Variants in TTC28 observed in about 807,000 individuals in gnomAD.
TTC28 encodes tetratricopeptide repeat protein 28.
TTC28 carries 61 observed loss-of-function variants against 198.0 expected under a neutral mutation model. That is an observed-to-expected ratio of 0.31 (90% CI 0.25 to 0.38). The LOEUF is 0.38. Among genes scored for constraint, TTC28 ranks in the 10% least tolerant of loss-of-function variants. TTC28 has a pLI of 1.00. For synonymous variants in TTC28, 1,171 were observed against 1,297.8 expected, an observed-to-expected ratio of 0.90 and a Z score of 2.10; for missense variants, 2,678 against 3,164.0, an observed-to-expected ratio of 0.85 and a Z score of 3.69.
intron 2 of TTC28, among the ~76,000 whole-genome samples, chr22:28,388,294 G>C (rs891758249): frequency 6.6e-6 from 1 of 152,192 alleles, no homozygotes; most frequent in Admixed American, 6.5e-5. Flanking sequence ...CTCCAGCTTT[G>C]TTCTTTTGGC....
chr22:28,564,181 G>A (rs959368954), intron 2 of TTC28, among the ~76,000 whole-genome samples: 7 of 152,090 alleles, frequency 4.6e-5, no homozygotes, highest in Admixed American at 3.3e-4. Flanking sequence ...CTTTTGGGGC[G>A]ATGAAAATGT....
chr22:28,373,459 T>C (rs1291347376), intron 2 of TTC28, among the ~76,000 whole-genome samples: 1 of 152,132 alleles, frequency 6.6e-6, no homozygotes, highest in Non-Finnish European at 1.5e-5. Flanking sequence ...AATTCATCTA[T>C]TGGAGAAGAG....
At chr22:28,564,582 C>T (rs1034278251) in intron 2 of TTC28, among the ~76,000 whole-genome samples, 1 of 151,710 alleles carries the variant, frequency 6.6e-6, no homozygotes, top group Admixed American at 6.6e-5. Context: ...AGCAGTATTC[C>T]GTGGTTTTCC....
At chr22:28,145,443 C>A (rs886685959) in intron 6 of TTC28, among the ~76,000 whole-genome samples, 2 of 152,106 alleles carry the variant, frequency 1.3e-5, no homozygotes, top group Admixed American at 6.5e-5. Flanking sequence ...TTGGTACCTA[C>A]AATTGATTGC....
intron 2 of TTC28, among the ~76,000 whole-genome samples, chr22:28,340,234 G>T (rs1435559806): frequency 6.6e-6 from 1 of 152,030 alleles, no homozygotes. Flanking sequence ...AAAGTGAGGG[G>T]TTGGAGTAAG....
chr22:28,331,116 C>T (rs1569264507), intron 2 of TTC28, among the ~76,000 whole-genome samples: 1 of 152,102 alleles, frequency 6.6e-6, no homozygotes. Context: ...ACCACCTTCA[C>T]ACGAGTAATC....
intron 6 of TTC28, among the ~76,000 whole-genome samples, chr22:28,161,863 G>A (rs1403533075): frequency 1.9e-5 from 2 of 107,932 alleles, no homozygotes; most frequent in Non-Finnish European, 3.5e-5. Context: ...AAGGAAGAAA[G>A]AGGAAGGAAG....
chr22:28,406,959 A>G (rs756851752), intron 2 of TTC28, among the ~76,000 whole-genome samples: 3 of 152,192 alleles, frequency 2.0e-5, no homozygotes, highest in Non-Finnish European at 4.4e-5. Flanking sequence ...GGAGGCACAC[A>G]CCCTAGAAAT....
chr22:28,518,328 T>C (rs1265728423), intron 2 of TTC28, among the ~76,000 whole-genome samples: 1 of 152,120 alleles, frequency 6.6e-6, no homozygotes, highest in Non-Finnish European at 1.5e-5. Context: ...AAAATGAGTA[T>C]ACAAAGGCCA....
At chr22:28,025,118 T>C (rs1235279323) in intron 13 of TTC28, among the ~76,000 whole-genome samples, 1 of 152,034 alleles carries the variant, frequency 6.6e-6, no homozygotes, top group Non-Finnish European at 1.5e-5. Context: ...GTGTTTCCAG[T>C]GGCCCTGAGA....
chr22:28,040,366 G>A (rs1939572386), intron 12 of TTC28, among the ~76,000 whole-genome samples: 2 of 152,162 alleles, frequency 1.3e-5, no homozygotes, highest in Admixed American at 6.5e-5. Flanking sequence ...GAATCCAGCA[G>A]CACATAAAAA....
intron 2 of TTC28, among the ~76,000 whole-genome samples, chr22:28,388,626 T>C (rs1190058311): frequency 1.3e-5 from 2 of 152,230 alleles, no homozygotes; most frequent in Admixed American, 6.5e-5. Context: ...GGGAGTTCAC[T>C]CATGATTTGG....
intron 16 of TTC28, chr22:27,997,268 T>C (rs1601497362): frequency 6.6e-6 from 1 of 152,252 alleles, no homozygotes; most frequent in Non-Finnish European, 1.5e-5. Context: ...CAGGGCAGGG[T>C]ATATGCCTGT....
At chr22:28,060,904 C>T (rs189543987) in intron 12 of TTC28, among the ~76,000 whole-genome samples, 54 of 152,180 alleles carry the variant, frequency 3.5e-4, no homozygotes, top group East Asian at 1.4e-3. Flanking sequence ...TTTTTAATGA[C>T]TGCCATTCTA....
At chr22:27,993,721 C>G (rs552642510) in intron 17 of TTC28, among the ~76,000 whole-genome samples, 1 of 152,276 alleles carries the variant, frequency 6.6e-6, no homozygotes, top group Non-Finnish European at 1.5e-5. Flanking sequence ...AAGGATTTTA[C>G]CATCAGAGCC....
intron 12 of TTC28, among the ~76,000 whole-genome samples, chr22:28,033,264 T>C (rs374108473): frequency 1.3e-5 from 2 of 152,304 alleles, no homozygotes; most frequent in Admixed American, 1.3e-4. Flanking sequence ...AAGCAGGCGA[T>C]GTCACAGATA....
At chr22:28,367,719 A>G (rs749540692) in intron 2 of TTC28, among the ~76,000 whole-genome samples, 1 of 152,092 alleles carries the variant, frequency 6.6e-6, no homozygotes, top group Non-Finnish European at 1.5e-5. Context: ...AAAATCTGAA[A>G]TGAAAAAGCA....
chr22:28,107,568 G>A lies in TTC28; in HGVS notation c.2277C>T (p.Ala759=). 6.4e-7 allele frequency: 1 copy of A among 1,551,764 alleles called. No individual in the cohort carries two copies. The highest frequency in any genetic ancestry group is 1.2e-5 in the South Asian group (1 of 84,056). Reference sequence around the variant, plus strand: ...GGATCATTCGGTATGCAGTGCCCAGGGCTGCATATGCACTGGCTTCTAATC... The same window carrying A: ...GGATCATTCGGTATGCAGTGCCCAGAGCTGCATATGCACTGGCTTCTAATC... The part of the protein sequence containing the change: ...DRRLEASAYA[A]LGTAYRMIQK... Residue 759 remains alanine (A), a synonymous_variant, in exon 7 of 23, where the codon GCC becomes GCT. Coordinates refer to ENST00000397906, the MANE Select transcript of TTC28 (RefSeq NM_001145418.2).
intron 5 of TTC28, among the ~76,000 whole-genome samples, chr22:28,264,241 G>A (rs1403558182): frequency 6.6e-6 from 1 of 152,086 alleles, no homozygotes; most frequent in African/African-American, 2.4e-5. Flanking sequence ...ATAAAGGGGA[G>A]TTCCCCTGCA....
Sources: gnomAD v4.1 joint callset for allele counts (sites outside exome capture counted in the v4.1 genomes callset) on GRCh38, gnomAD v4.1.1 for gene constraint, MANE v1.5 for transcripts, NCBI Gene and HGNC (gene_info 2026-07-23, HGNC 2026-07-21) for gene names.